The following ANKRD36 variants were observed in gnomAD, a reference collection of about 807,000 sequenced individuals.
ANKRD36 encodes ankyrin repeat domain 36.
Under a neutral mutation model 278.1 loss-of-function variants are expected in ANKRD36, and 179 were observed. That is an observed-to-expected ratio of 0.64 (90% confidence interval 0.57 to 0.73). ANKRD36 has a LOEUF of 0.73. Ranked by LOEUF, ANKRD36 falls within the 30% of genes least tolerant of loss-of-function variation. The probability of loss-of-function intolerance (pLI) is 0.00; values close to 1 mark genes in which losing one functional copy is unlikely to be tolerated. For synonymous variants in ANKRD36, 320 were observed against 641.1 expected, an observed-to-expected ratio of 0.50 and a Z score of 7.57; for missense variants, 1,159 against 1,956.7, an observed-to-expected ratio of 0.59 and a Z score of 7.69.
intron 22 of ANKRD36, among the ~76,000 whole-genome samples, chr2:97,179,521 A>T (rs1184852417): frequency 6.6e-6 from 1 of 151,554 alleles, no homozygotes; most frequent in Non-Finnish European, 1.5e-5. Flanking sequence ...ATCACATATG[A>T]AATTGTCAGT....
chr2:97,215,817 A>C (rs572879561), intron 62 of ANKRD36: 83 of 620,584 alleles, frequency 1.3e-4, no homozygotes, highest in African/African-American at 1.3e-3. Context: ...GGAAGGAGAA[A>C]GAGATGAAGT....
chr2:97,213,236 G>A (rs1234181258), intron 58 of ANKRD36, 183 bp from the exon 59 acceptor site: 2 of 220,068 alleles, frequency 9.1e-6, no homozygotes, highest in Non-Finnish European at 1.7e-5. Flanking sequence ...ATTTTGTGAA[G>A]CCTGTATTCA....
chr2:97,131,514 C>A (rs2040145306), intron 6 of ANKRD36, among the ~76,000 whole-genome samples: 1 of 151,942 alleles, frequency 6.6e-6, no homozygotes, highest in Non-Finnish European at 1.5e-5. Flanking sequence ...TTCCTTTATT[C>A]CCCAAAATGA....
At chr2:97,180,061 T>G (rs923467069) in intron 24 of ANKRD36, 128 bp downstream of exon 24, 156 of 1,408,262 alleles carry the variant, frequency 1.1e-4, no homozygotes, top group Non-Finnish European at 1.3e-4. Context: ...AGATTCTTCA[T>G]TTGTAGTGAG....
rs1350919349 is a variant in ANKRD36 at position 97,185,363 on chromosome 2, A to G, written c.1968+19A>G. The G allele has an allele frequency of 6.2e-7, 1 of 1,609,750 alleles. No homozygotes were observed. The highest frequency in any genetic ancestry group is 8.5e-7 in the Non-Finnish European group (1 of 1,177,538). On this transcript the variant is annotated intron_variant, in intron 29 of 75. Transcript: ENST00000420699. The stretch of plus-strand genomic sequence containing the variant: ...CTCAAAGGTAATTAAACTCTCATTT[A>G]TATTTTGTATTAGTAACTGTATAGT...
intron 68 of ANKRD36, among the ~76,000 whole-genome samples, chr2:97,237,917 GAATC>G (rs2073891867): frequency 1.3e-5 from 2 of 151,306 alleles, no homozygotes; most frequent in Admixed American, 6.6e-5. Flanking sequence ...ATGTTTTGTA[GAATC>G]ACCAGCATAG....
intron 22 of ANKRD36, among the ~76,000 whole-genome samples, chr2:97,170,476 T>C (rs2052114645): frequency 6.6e-6 from 1 of 151,930 alleles, no homozygotes. Flanking sequence ...ATTTAATAAA[T>C]GGTGCTGGGA....
chr2:97,153,616 C>T lies in ANKRD36; in HGVS notation c.1194-1059C>T, dbSNP rs913346356. On this transcript the variant is annotated intron_variant, in intron 14 of 75. Coordinates refer to ENST00000420699, the MANE Select transcript of ANKRD36 (RefSeq NM_001354587.1). ...TGCACTCAGGTTTCTTAGTTCAAAA[C>T]GCAGTCTTCTTTTACATCATTCTGT... Among the ~76,000 whole-genome samples the T allele has an allele frequency of 3.4e-5, 5 of 145,634 alleles. 1 individual carries two copies. The highest frequency in any genetic ancestry group is 7.5e-5 in the African/African-American group (3 of 40,252).
At chr2:97,172,529 C>A (rs2052889480) in intron 22 of ANKRD36, among the ~76,000 whole-genome samples, 1 of 151,870 alleles carries the variant, frequency 6.6e-6, no homozygotes, top group South Asian at 2.1e-4. Context: ...GTATCTCTCC[C>A]ATGGCTGTGT....
intron 5 of ANKRD36, among the ~76,000 whole-genome samples, chr2:97,125,191 C>G (rs981276419): frequency 3.0e-4 from 46 of 151,782 alleles, no homozygotes; most frequent in African/African-American, 1.1e-3. Flanking sequence ...AGTGATTAAC[C>G]TTTGCTACCA....
rs774382438 is a variant in ANKRD36, at chr2:97,192,900, CATTT to C, written c.2376+17_2376+20del. On this transcript the variant is annotated intron_variant, in intron 37 of 75. Transcript: ENST00000420699. ...CCAGCCTTGACGGTAATGAAACACT[CATTT>C]ATATTGTGAATGAGTTAAGGTATGG... 4 of 1,603,818 alleles carry C rather than the reference CATTT, an allele frequency of 2.5e-6. No individual in the cohort carries two copies. The highest frequency in any genetic ancestry group is 2.5e-6 in the Non-Finnish European group (3 of 1,177,280).
At chr2:97,170,811 G>A (rs2052237976) in intron 22 of ANKRD36, among the ~76,000 whole-genome samples, 5 of 151,272 alleles carry the variant, frequency 3.3e-5, no homozygotes, top group South Asian at 2.1e-4. Flanking sequence ...TCTGACAAAG[G>A]GCTAATATCC....
chr2:97,147,343 A>G (rs2153458114), intron 11 of ANKRD36, among the ~76,000 whole-genome samples: 1 of 151,592 alleles, frequency 6.6e-6, no homozygotes, highest in Non-Finnish European at 1.5e-5. Flanking sequence ...CACTTTTCTT[A>G]GGGTTTAAGA....
intron 66 of ANKRD36, among the ~76,000 whole-genome samples, chr2:97,220,774 AAT>A (rs2067348045): frequency 4.3e-5 from 2 of 46,388 alleles, no homozygotes; most frequent in African/African-American, 3.0e-4. Context: ...TTTTTTTTTT[AAT>A]TTTTTTTTTT....
At chr2:97,131,964 G>A (rs2040278614) in intron 6 of ANKRD36, among the ~76,000 whole-genome samples, 1 of 151,802 alleles carries the variant, frequency 6.6e-6, no homozygotes, top group African/African-American at 2.4e-5. Context: ...AAGTAGCTGG[G>A]ACTACAGGCC....
In ANKRD36 at chr2:97,207,629, C is replaced by T. The variant is rs528578665; in HGVS notation, c.3164-182C>T. ...AATTCTAAGACTATATTTCATGGAG[C>T]CTGTATTCCATTTTCTCAGCGTATT... On this transcript the variant is annotated intron_variant, in intron 52 of 75. Transcript: ENST00000420699. Among the ~76,000 whole-genome samples, 5 of 151,582 alleles carry T rather than the reference C, an allele frequency of 3.3e-5. No homozygotes were observed. In the East Asian group the frequency reaches 9.7e-4, roughly 30 times the overall value.
chr2:97,164,367 G>C (rs62153886), intron 19 of ANKRD36, 30 bp from the exon 20 acceptor site: 17 of 1,531,466 alleles, frequency 1.1e-5, no homozygotes, highest in African/African-American at 5.5e-5. Context: ...TACATGATAT[G>C]TTAATCATTA....
intron 15 of ANKRD36, among the ~76,000 whole-genome samples, chr2:97,154,943 G>C (rs1324944206): frequency 1.4e-5 from 2 of 144,626 alleles, no homozygotes; most frequent in South Asian, 2.1e-4. Flanking sequence ...AGAAATAGTT[G>C]ATAAATACTT....
In ANKRD36 at chr2:97,118,470, A is replaced by G; in HGVS notation, c.439A>G (p.Ile147Val). The G allele has an allele frequency of 1.2e-6, 2 of 1,603,982 alleles. No individual in the cohort carries two copies. Among genetic ancestry groups the G allele is most frequent in the Non-Finnish European group, 1.7e-6 (2 of 1,176,724 alleles). Residue 147 changes from isoleucine (I) to valine (V), a missense_variant, in exon 3 of 76, where the codon ATA becomes GTA. By Grantham distance (29) the Ile-to-Val change is conservative. Transcript: ENST00000420699. ...YAVYNEDTSM[I>V]EKLLSHGTNI... is the part of the protein sequence containing the mutation. ...TGTGTATAATGAAGATACATCCATG[A>G]TAGAAAAACTTCTTTCACATGGTAC...
Sources: gnomAD v4.1 joint callset for allele counts (sites outside exome capture counted in the v4.1 genomes callset) on GRCh38, gnomAD v4.1.1 for gene constraint, MANE v1.5 for transcripts, NCBI Gene and HGNC (gene_info 2026-07-23, HGNC 2026-07-21) for gene names.